The following COLGALT2 variants were observed in gnomAD, a reference collection of about 807,000 sequenced individuals.
COLGALT2 encodes collagen beta(1-O)galactosyltransferase 2.
COLGALT2 carries 49 observed loss-of-function variants against 73.4 expected under a neutral mutation model. That is an observed-to-expected ratio of 0.67 (90% CI 0.53 to 0.85). COLGALT2 has a LOEUF of 0.85. COLGALT2 is among the 40% of genes least tolerant of loss of function. The pLI, the probability that COLGALT2 is intolerant of heterozygous loss-of-function variation, is 0.00. For synonymous variants in COLGALT2, 295 were observed against 307.6 expected (o/e 0.96, Z 0.43); for missense variants, 722 against 790.2 (o/e 0.91, Z 1.03).
rs755511695 is a variant in COLGALT2 at position 183,945,581 on chromosome 1, A to G, written c.1137-17T>C. On this transcript the variant is annotated splice_polypyrimidine_tract_variant and intron_variant, in intron 8 of 11. Transcript: ENST00000361927. ...TTGAGTGCCCTGCATCACATAAAACACGTCTGGAGATTAACAAGTCAAAGG... is the reference window on the plus strand; with the variant it reads ...TTGAGTGCCCTGCATCACATAAAACGCGTCTGGAGATTAACAAGTCAAAGG... The G allele has an allele frequency of 1.5e-5, 24 of 1,612,992 alleles. No individual in the cohort carries two copies. The highest frequency in any genetic ancestry group is 1.8e-5 in the Non-Finnish European group (21 of 1,179,680).
At chr1:183,950,536 C>T (rs1185884747) in intron 8 of COLGALT2, among the ~76,000 whole-genome samples, 2 of 151,532 alleles carry the variant, frequency 1.3e-5, no homozygotes, top group Admixed American at 6.6e-5. Flanking sequence ...GCCATATTTC[C>T]AGGAAAAGTG....
Position 184,029,994 on chromosome 1 carries a change from GAAA to G in COLGALT2, c.263+7098_263+7100del, listed in dbSNP as rs1328255112. Among the ~76,000 whole-genome samples, 4 of 152,180 alleles carry G rather than the reference GAAA, an allele frequency of 2.6e-5. No homozygotes were observed. The East Asian group carries it at 7.7e-4, about 29-fold the overall frequency. The stretch of plus-strand genomic sequence containing the variant: ...TATGTATATGTATAGAAAGTTTCTA[GAAA>G]AATATGAAAGAAAGTGTTAATATTG... On this transcript the variant is annotated intron_variant, in intron 1 of 11. Transcript: ENST00000361927.
Position 183,973,597 on chromosome 1 carries a change from A to G in COLGALT2, c.627+19T>C, listed in dbSNP as rs1254423258. The G allele has an allele frequency of 1.2e-6, 2 of 1,613,754 alleles. No individual in the cohort carries two copies. The highest frequency in any genetic ancestry group is 3.3e-5 in the Admixed American group (2 of 59,980). ...TTGTTAAAACTAGTAGCCTTAATTC[A>G]TTTAAGCAAAAGACTTGCCTTAGGG... On this transcript the variant is annotated intron_variant, in intron 4 of 11. Transcript: ENST00000361927.
At chr1:183,962,595 A>G (rs1217296797) in intron 6 of COLGALT2, among the ~76,000 whole-genome samples, 1 of 151,140 alleles carries the variant, frequency 6.6e-6, no homozygotes, top group Non-Finnish European at 1.5e-5. Flanking sequence ...CCTACAATCA[A>G]CTCTTGGCTA....
rs554960671 is a variant in COLGALT2, at chr1:184,030,497, A to G, written c.263+6598T>C. 2.0e-4 allele frequency among the ~76,000 whole-genome samples: 31 copies of G among 152,326 alleles called. No individual in the cohort carries two copies. The South Asian group carries it at 6.4e-3, about 32-fold the overall frequency. ...CCTACTATAGTCCTATATAAGCCTT[A>G]TAATGGTCCTACTATACTGTGCCAT... On this transcript the variant is annotated intron_variant, in intron 1 of 11. Transcript: ENST00000361927.
At chr1:183,988,532 C>G (rs1201201757) in intron 1 of COLGALT2, among the ~76,000 whole-genome samples, 2 of 152,184 alleles carry the variant, frequency 1.3e-5, no homozygotes, top group Admixed American at 1.3e-4. Context: ...CACTATTCTG[C>G]TTTCTGTCCC....
chr1:183,942,878 C>T (rs1016346168), intron 10 of COLGALT2, among the ~76,000 whole-genome samples: 6 of 152,190 alleles, frequency 3.9e-5, no homozygotes, highest in Non-Finnish European at 4.4e-5. Context: ...TACATGTGAA[C>T]GGGAACGTAT....
chr1:183,948,635 G>C (rs928543898), intron 8 of COLGALT2, among the ~76,000 whole-genome samples: 23 of 152,194 alleles, frequency 1.5e-4, no homozygotes, highest in African/African-American at 5.5e-4. Context: ...GTGACGGACT[G>C]AATGCTTTCC....
At position 183,956,960 on chromosome 1, in the gene COLGALT2, A is replaced by C. The variant is rs558676313; in HGVS notation, c.953-2122T>G. 2.0e-5 allele frequency among the ~76,000 whole-genome samples: 3 copies of C among 152,240 alleles called. No homozygotes were observed. In the South Asian group the frequency reaches 6.2e-4, roughly 32 times the overall value. On this transcript the variant is annotated intron_variant, in intron 6 of 11. Transcript: ENST00000361927. ...TAGGTATATCCTGGCTTCTGTTTGT[A>C]GTCATTTCTGACTCCATCTTTCATA...
intron 2 of COLGALT2, 135 bp from the exon 3 acceptor site, chr1:183,975,349 C>T: frequency 1.7e-6 from 1 of 580,630 alleles, no homozygotes; most frequent in Non-Finnish European, 3.0e-6. Context: ...ATCATCATCC[C>T]CATATTACAG....
chr1:183,943,956 C>T (rs571757845), intron 10 of COLGALT2, among the ~76,000 whole-genome samples: 1 of 152,348 alleles, frequency 6.6e-6, no homozygotes, highest in South Asian at 2.1e-4. Flanking sequence ...CCCTGATCTG[C>T]AGGCCGACTC....
intron 5 of COLGALT2, among the ~76,000 whole-genome samples, chr1:183,968,801 C>T (rs931616734): frequency 2.6e-5 from 4 of 152,136 alleles, no homozygotes; most frequent in Non-Finnish European, 5.9e-5. Flanking sequence ...AGAAGCAATA[C>T]ACAAGAAGCC....
intron 10 of COLGALT2, among the ~76,000 whole-genome samples, chr1:183,941,347 A>G (rs1161187855): frequency 6.6e-6 from 1 of 152,220 alleles, no homozygotes; most frequent in Non-Finnish European, 1.5e-5. Flanking sequence ...AGCTCCTGAC[A>G]GGCATTCTCC....
chr1:184,001,522 T>C (rs1174900789), intron 1 of COLGALT2, among the ~76,000 whole-genome samples: 1 of 152,174 alleles, frequency 6.6e-6, no homozygotes, highest in African/African-American at 2.4e-5. Flanking sequence ...TTTCATAGTT[T>C]CCATCTTTTT....
At chr1:183,973,809 A>G in intron 3 of COLGALT2, 59 bp from the exon 4 acceptor site, 1 of 1,550,566 alleles carries the variant, frequency 6.4e-7, no homozygotes. Flanking sequence ...TGAGTTTGAG[A>G]ATAACCCAGC....
intron 1 of COLGALT2, among the ~76,000 whole-genome samples, chr1:183,983,193 T>C (rs529574188): frequency 1.3e-5 from 2 of 152,336 alleles, no homozygotes; most frequent in South Asian, 2.1e-4. Flanking sequence ...CGTCCTCCAG[T>C]TGTGGTTGGA....
At chr1:183,935,177 C>T (rs1239001423), downstream of COLGALT2, among the ~76,000 whole-genome samples, 1 of 152,238 alleles carries the variant, frequency 6.6e-6, no homozygotes, top group African/African-American at 2.4e-5. Flanking sequence ...CCAAATGTCA[C>T]CTTCTCAGCA....
intron 7 of COLGALT2, among the ~76,000 whole-genome samples, chr1:183,951,501 G>T (rs1420261755): frequency 6.6e-6 from 1 of 152,110 alleles, no homozygotes; most frequent in Non-Finnish European, 1.5e-5. Context: ...CTTCAGTAAA[G>T]TTGCAAGATA....
intron 8 of COLGALT2, among the ~76,000 whole-genome samples, chr1:183,948,238 G>A (rs1572631908): frequency 6.6e-6 from 1 of 151,996 alleles, no homozygotes; most frequent in Non-Finnish European, 1.5e-5. Context: ...ATTTTATGAA[G>A]CCAATATTAT....
Sources: gnomAD v4.1 joint callset for allele counts (sites outside exome capture counted in the v4.1 genomes callset) on GRCh38, gnomAD v4.1.1 for gene constraint, MANE v1.5 for transcripts, NCBI Gene and HGNC (gene_info 2026-07-23, HGNC 2026-07-21) for gene names.